Variants in RAD54B observed in about 807,000 individuals in gnomAD.
RAD54B encodes the protein DNA repair and recombination protein RAD54B.
In RAD54B, 78 loss-of-function variants were observed where a neutral mutation model predicts 95.8. That is an observed-to-expected ratio of 0.81 (90% CI 0.68 to 0.98). The LOEUF is 0.98. Ranked by LOEUF, RAD54B falls within the 50% of genes least tolerant of loss-of-function variation. RAD54B has a pLI of 0.00. For synonymous variants in RAD54B, 328 were observed against 354.9 expected (o/e 0.92, Z 0.85); for missense variants, 957 against 1,056.6 (o/e 0.91, Z 1.31).
chr8:94,378,700 T>C (rs929858498), intron 12 of RAD54B, 66 bp from the exon 13 acceptor site: 1 of 1,061,396 alleles, frequency 9.4e-7, no homozygotes, highest in South Asian at 1.4e-5. Context: ...ACACATGCAA[T>C]TTGCAGAAAT....
rs957533003 is a variant in RAD54B, at chr8:94,407,148, TTATACACATGTATGTGTAATG to T, written c.781+270_781+290del. Among the ~76,000 whole-genome samples the T allele has an allele frequency of 1.1e-4, 17 of 152,148 alleles. 1 individual carries two copies. The highest frequency in any genetic ancestry group is 5.9e-4 in the Admixed American group (9 of 15,272). On this transcript the variant is annotated intron_variant, in intron 5 of 14. Transcript: ENST00000336148. The stretch of plus-strand genomic sequence containing the variant: ...CTAAAAAGTCAGATTTTATTCAAAA[TTATACACATGTATGTGTAATG>T]TATACACATACAATTTAGATATGTT...
chr8:94,399,759 A>G, intron 7 of RAD54B, 138 bp from the exon 8 acceptor site: 2 of 1,156,586 alleles, frequency 1.7e-6, no homozygotes, highest in Non-Finnish European at 2.4e-6. Context: ...TGAGGCTGCT[A>G]TAAACAAAAT....
chr8:94,432,452 C>A (rs970255249), intron 3 of RAD54B: 1 of 1,550,380 alleles, frequency 6.5e-7, no homozygotes, highest in Admixed American at 2.0e-5. Flanking sequence ...AAAGTGAAGG[C>A]GACAAGGATC....
intron 14 of RAD54B, among the ~76,000 whole-genome samples, chr8:94,377,831 C>G (rs895625340): frequency 5.7e-5 from 8 of 141,186 alleles, no homozygotes; most frequent in African/African-American, 1.7e-4. Context: ...AAAAAATTAG[C>G]CGGGCGTGGT....
At chr8:94,447,009 G>A (rs1449272877) in intron 3 of RAD54B, among the ~76,000 whole-genome samples, 1 of 151,870 alleles carries the variant, frequency 6.6e-6, no homozygotes, top group Non-Finnish European at 1.5e-5. Flanking sequence ...TAAAAATAGG[G>A]CAAAAACTAG....
chr8:94,463,807 T>C lies in RAD54B; in HGVS notation c.135+3598A>G, dbSNP rs866267686. ...GCACATGCCTGTGGTCCCAGCTACT[T>C]AGGAGATGGAGGTGGGAGGATCACT... is the stretch of plus-strand genomic sequence containing the variant. On this transcript the variant is annotated intron_variant, in intron 2 of 14. Transcript: ENST00000336148. Among the ~76,000 whole-genome samples the C allele has an allele frequency of 4.0e-5, 6 of 149,068 alleles. 1 individual carries two copies. The South Asian group carries it at 1.3e-3, about 31-fold the overall frequency.
In RAD54B at chr8:94,407,677, G is replaced by A. The variant is rs759630967; in HGVS notation, c.543C>T (p.Gly181=). The change falls in exon 5 of 15, where the codon GGC becomes GGT. Residue 181 remains glycine (G), a synonymous_variant. Transcript: ENST00000336148. ...CTTTTCCACAAATCATCAGTGTTTGGCCCTCTTCAATCTTTTCAAGCTCTT... is the reference window on the plus strand; with the variant it reads ...CTTTTCCACAAATCATCAGTGTTTGACCCTCTTCAATCTTTTCAAGCTCTT... The part of the protein sequence containing the change: ...KFKELEKIEE[G]QTLMICGKEI... 1.2e-6 allele frequency: 2 copies of A among 1,613,602 alleles called. No individual in the cohort carries two copies. Among genetic ancestry groups the A allele is most frequent in the South Asian group, 1.1e-5 (1 of 91,014 alleles).
chr8:94,433,204 G>C (rs1194815953), intron 3 of RAD54B, among the ~76,000 whole-genome samples: 2 of 152,062 alleles, frequency 1.3e-5, no homozygotes, highest in East Asian at 3.9e-4. Context: ...TATGGCTTTG[G>C]GATATGCTCA....
At chr8:94,437,904 T>G (rs951229520) in intron 3 of RAD54B, among the ~76,000 whole-genome samples, 1 of 152,204 alleles carries the variant, frequency 6.6e-6, no homozygotes, top group African/African-American at 2.4e-5. Flanking sequence ...TACATAATAA[T>G]GTAAGCAAGA....
intron 3 of RAD54B, among the ~76,000 whole-genome samples, chr8:94,415,098 A>G (rs911240582): frequency 6.6e-6 from 1 of 151,754 alleles, no homozygotes; most frequent in African/African-American, 2.4e-5. Flanking sequence ...GAGGCATCAC[A>G]CTACCTGACT....
At chr8:94,455,239 A>G (rs1459408637) in intron 3 of RAD54B, among the ~76,000 whole-genome samples, 1 of 149,068 alleles carries the variant, frequency 6.7e-6, no homozygotes, top group East Asian at 2.0e-4. Context: ...CCTGCAAACT[A>G]TAATGTTCCA....
intron 5 of RAD54B, among the ~76,000 whole-genome samples, 191 bp from the exon 6 acceptor site, chr8:94,404,430 A>G (rs1811336752): frequency 6.6e-6 from 1 of 152,208 alleles, no homozygotes; most frequent in South Asian, 2.1e-4. Context: ...CTGATGAACG[A>G]TTTCATGCAA....
At chr8:94,421,700 A>G (rs1811810270) in intron 3 of RAD54B, among the ~76,000 whole-genome samples, 1 of 151,782 alleles carries the variant, frequency 6.6e-6, no homozygotes, top group African/African-American at 2.4e-5. Flanking sequence ...TCAGTCCCAC[A>G]GACAATCAAC....
intron 3 of RAD54B, among the ~76,000 whole-genome samples, chr8:94,421,171 C>T (rs568434801): frequency 1.1e-4 from 16 of 152,090 alleles, no homozygotes; most frequent in Non-Finnish European, 1.9e-4. Flanking sequence ...TAAAGGTTAC[C>T]AGGAACTCTT....
In RAD54B at chr8:94,457,521, A is replaced by G. The variant is rs533966730; in HGVS notation, c.304+747T>C. Among the ~76,000 whole-genome samples the G allele has an allele frequency of 3.9e-5, 6 of 152,328 alleles. No homozygotes were observed. In the East Asian group the frequency reaches 1.2e-3, roughly 29 times the overall value. On this transcript the variant is annotated intron_variant, in intron 3 of 14. Coordinates refer to ENST00000336148, the MANE Select transcript of RAD54B (RefSeq NM_012415.3). Reference sequence around the variant, plus strand: ...TTCATTAATCATCAGGAAGTCCAAGAACTTCCTTCAAAATGGTGCTTAGGG... The same window carrying G: ...TTCATTAATCATCAGGAAGTCCAAGGACTTCCTTCAAAATGGTGCTTAGGG...
chr8:94,448,362 C>T (rs1257343322), intron 3 of RAD54B, among the ~76,000 whole-genome samples: 2 of 152,038 alleles, frequency 1.3e-5, no homozygotes, highest in Non-Finnish European at 2.9e-5. Flanking sequence ...ACAGGGAACC[C>T]TGTACACTGT....
intron 8 of RAD54B, among the ~76,000 whole-genome samples, chr8:94,395,992 G>C (rs1811134071): frequency 6.6e-6 from 1 of 151,952 alleles, no homozygotes. Flanking sequence ...GATATACAAA[G>C]GGAAGAGGCA....
At chr8:94,391,488 C>T in intron 10 of RAD54B, 121 bp downstream of exon 10, 1 of 999,402 alleles carries the variant, frequency 1.0e-6, no homozygotes, top group Non-Finnish European at 1.5e-6. Context: ...ACTAGATAGC[C>T]AGCAGAGCTT....
intron 10 of RAD54B, among the ~76,000 whole-genome samples, chr8:94,390,579 A>C (rs545148412): frequency 6.7e-6 from 1 of 148,152 alleles, no homozygotes; most frequent in Non-Finnish European, 1.5e-5. Context: ...TATAGATTAT[A>C]TATAGAGATT....
Sources: gnomAD v4.1 joint callset for allele counts (sites outside exome capture counted in the v4.1 genomes callset) on GRCh38, gnomAD v4.1.1 for gene constraint, MANE v1.5 for transcripts, NCBI Gene and HGNC (gene_info 2026-07-23, HGNC 2026-07-21) for gene names.